Variants in MYO5B observed in about 807,000 individuals in gnomAD.
MYO5B encodes myosin VB.
A neutral mutation model predicts 229.3 loss-of-function variants in MYO5B; 143 were observed. That is an observed-to-expected ratio of 0.62 (90% CI 0.54 to 0.72). MYO5B has a LOEUF of 0.72. MYO5B is among the 30% of genes least tolerant of loss of function. The pLI, the probability that MYO5B is intolerant of heterozygous loss-of-function variation, is 0.00. For synonymous variants in MYO5B, 918 were observed against 885.2 expected (o/e 1.04, Z -0.66); for missense variants, 2,321 against 2,331.0 (o/e 1.00, Z 0.09).
At chr18:50,180,030 C>T (rs1348304816) in intron 1 of MYO5B, among the ~76,000 whole-genome samples, 5 of 152,158 alleles carry the variant, frequency 3.3e-5, no homozygotes, top group Non-Finnish European at 5.9e-5. Flanking sequence ...GAAGATCTGA[C>T]AGGTGGTCCT....
chr18:50,098,484 C>T (rs892045917), intron 1 of MYO5B, among the ~76,000 whole-genome samples: 11 of 152,104 alleles, frequency 7.2e-5, no homozygotes, highest in African/African-American at 2.7e-4. Context: ...GAAGCAAATA[C>T]ACAACAAGGA....
chr18:49,950,413 C>T (rs2025419571), intron 14 of MYO5B, among the ~76,000 whole-genome samples: 1 of 152,166 alleles, frequency 6.6e-6, no homozygotes, highest in African/African-American at 2.4e-5. Flanking sequence ...CTCTTTGAAC[C>T]ATCATCAATC....
chr18:50,174,069 G>C (rs1196963562), intron 1 of MYO5B, among the ~76,000 whole-genome samples: 1 of 152,108 alleles, frequency 6.6e-6, no homozygotes, highest in Non-Finnish European at 1.5e-5. Context: ...CAAAACGACA[G>C]AAGGAGGGCA....
intron 7 of MYO5B, 61 bp from the exon 8 acceptor site, chr18:49,984,886 G>A (rs1164745575): frequency 4.7e-5 from 58 of 1,238,060 alleles, no homozygotes; most frequent in Non-Finnish European, 6.7e-5. Flanking sequence ...CACAGATCGT[G>A]ACCCATGAAA....
chr18:50,012,562 C>T (rs892975441), intron 4 of MYO5B, among the ~76,000 whole-genome samples: 7 of 152,154 alleles, frequency 4.6e-5, no homozygotes, highest in African/African-American at 1.4e-4. Flanking sequence ...TTTGGATGTC[C>T]GAGGTACACA....
intron 1 of MYO5B, among the ~76,000 whole-genome samples, chr18:50,119,747 AC>A (rs1187951656): frequency 1.1e-4 from 16 of 152,292 alleles, no homozygotes; most frequent in Non-Finnish European, 1.8e-4. Flanking sequence ...TTATCACTGA[AC>A]TACACTCCAG....
At chr18:50,097,970 C>G (rs527453209) in intron 1 of MYO5B, among the ~76,000 whole-genome samples, 2 of 152,308 alleles carry the variant, frequency 1.3e-5, no homozygotes, top group South Asian at 4.1e-4. Flanking sequence ...AACAAAGAAA[C>G]TACACACTGC....
chr18:49,871,716 C>T (rs2024457843), intron 27 of MYO5B: 1 of 246,260 alleles, frequency 4.1e-6, no homozygotes, highest in Non-Finnish European at 8.0e-6. Flanking sequence ...AGGCTAAATT[C>T]CCACATTACC....
At chr18:49,919,576 T>C (rs2025052709) in intron 17 of MYO5B, among the ~76,000 whole-genome samples, 1 of 152,038 alleles carries the variant, frequency 6.6e-6, no homozygotes, top group African/African-American at 2.4e-5. Flanking sequence ...TGAAAGATGC[T>C]CAACATCATT....
intron 1 of MYO5B, among the ~76,000 whole-genome samples, chr18:50,125,569 A>G (rs1021174234): frequency 5.9e-5 from 9 of 152,190 alleles, no homozygotes; most frequent in Non-Finnish European, 1.2e-4. Flanking sequence ...AAACACTCAT[A>G]TATAGTGCTT....
intron 1 of MYO5B, among the ~76,000 whole-genome samples, chr18:50,123,660 TCGTACCACTG>T (rs2032107905): frequency 6.6e-6 from 1 of 152,194 alleles, no homozygotes; most frequent in Non-Finnish European, 1.5e-5. Flanking sequence ...TAAGCCATGA[TCGTACCACTG>T]CACTCCAGGC....
chr18:50,159,176 G>T (rs925837970), intron 1 of MYO5B, among the ~76,000 whole-genome samples: 2 of 152,108 alleles, frequency 1.3e-5, no homozygotes. Context: ...CAGCCTCAAA[G>T]GTTAACCAAA....
intron 1 of MYO5B, among the ~76,000 whole-genome samples, chr18:50,157,193 C>T (rs1193958428): frequency 1.3e-5 from 2 of 151,872 alleles, no homozygotes; most frequent in African/African-American, 4.8e-5. Context: ...GCAACCTCCA[C>T]CTCCTGGGTT....
intron 1 of MYO5B, among the ~76,000 whole-genome samples, chr18:50,085,701 G>A (rs1207045801): frequency 6.6e-6 from 1 of 152,144 alleles, no homozygotes; most frequent in Non-Finnish European, 1.5e-5. Flanking sequence ...TTAAGAAAAT[G>A]TGGCACATAT....
intron 1 of MYO5B, among the ~76,000 whole-genome samples, chr18:50,182,514 G>A (rs114239060): frequency 0.016 from 2,455 of 152,272 alleles, 68 homozygotes; most frequent in African/African-American, 0.056. Context: ...CCAAAATAAC[G>A]TGTAAAATTA....
chr18:49,844,030 G>T (rs11875801), intron 33 of MYO5B, among the ~76,000 whole-genome samples: 1 of 152,238 alleles, frequency 6.6e-6, no homozygotes, highest in South Asian at 2.1e-4. Flanking sequence ...TCTCTCCAGC[G>T]GCTCTCTTAC....
chr18:49,960,659 A>G (rs561439115), intron 12 of MYO5B, among the ~76,000 whole-genome samples: 7 of 152,318 alleles, frequency 4.6e-5, no homozygotes, highest in African/African-American at 1.7e-4. Context: ...AAAAGTCTCC[A>G]CATTGTGGAC....
chr18:50,028,779 G>A (rs1053698509), intron 4 of MYO5B, among the ~76,000 whole-genome samples: 1 of 152,204 alleles, frequency 6.6e-6, no homozygotes, highest in African/African-American at 2.4e-5. Context: ...GGTGACGCAG[G>A]CTCTCTCCTT....
chr18:49,926,123 C>T (rs916664024), intron 17 of MYO5B, among the ~76,000 whole-genome samples: 7 of 152,224 alleles, frequency 4.6e-5, no homozygotes, highest in African/African-American at 7.2e-5. Flanking sequence ...TAACAACAGC[C>T]TTCAACCTAG....
Sources: allele counts gnomAD v4.1 joint callset (sites outside exome capture counted in the v4.1 genomes callset), GRCh38; gene constraint gnomAD v4.1.1; transcripts MANE v1.5; gene names NCBI Gene and HGNC (gene_info 2026-07-23, HGNC 2026-07-21).